The following SHANK2 variants were observed in gnomAD, a reference collection of about 807,000 sequenced individuals.
The protein encoded by SHANK2 is SH3 and multiple ankyrin repeat domains 2.
Under a neutral mutation model 133.7 loss-of-function variants are expected in SHANK2, and 43 were observed. The ratio of observed to expected loss-of-function variants is 0.32; its 90% CI spans 0.25 to 0.41. The LOEUF (loss-of-function observed/expected upper bound fraction) is 0.41, where lower values mean the gene tolerates loss of function less well. Among genes scored for constraint, SHANK2 ranks in the 10% least tolerant of loss-of-function variants. The pLI is 1.00. For missense variants in SHANK2, 1,994 were observed against 2,235.8 expected, an observed-to-expected ratio of 0.89 and a Z score of 2.18; for synonymous variants, 1,017 against 952.8, an observed-to-expected ratio of 1.07 and a Z score of -1.24.
rs181234214 is a variant in SHANK2 at position 70,820,234 on chromosome 11, A to G, written c.1493+130T>C. 553 of 568,486 alleles carry G rather than the reference A, an allele frequency of 9.7e-4. 1 individual carries two copies. Among genetic ancestry groups the G allele is most frequent in the African/African-American group, 9.3e-3 (484 of 51,916 alleles). 35.2% of individuals were successfully genotyped at this position (568,486 alleles called of 1,614,324 possible). A position where few individuals can be genotyped will look rare whatever the true frequency, so the allele number is the denominator to read the frequency against. On this transcript the variant is annotated intron_variant, in intron 12 of 25. Transcript: ENST00000601538. Reference sequence around the variant, plus strand: ...GGACAGTGAGCAAAACTCAGGCATGAAAGTTTCCTCAACATCTGGGTTGGA... The same window carrying G: ...GGACAGTGAGCAAAACTCAGGCATGGAAGTTTCCTCAACATCTGGGTTGGA...
At chr11:71,202,599 G>A (rs573513711) in intron 2 of SHANK2, among the ~76,000 whole-genome samples, 7 of 152,230 alleles carry the variant, frequency 4.6e-5, no homozygotes, top group East Asian at 3.9e-4. Flanking sequence ...AAAAGGGGTC[G>A]ATGTTGGCCA....
intron 17 of SHANK2, among the ~76,000 whole-genome samples, chr11:70,549,493 C>T (rs781791149): frequency 6.6e-6 from 1 of 152,238 alleles, no homozygotes; most frequent in Non-Finnish European, 1.5e-5. Context: ...CTAGGACGGC[C>T]TCATGACATT....
chr11:71,189,613 T>G (rs371125070), intron 2 of SHANK2, among the ~76,000 whole-genome samples: 282 of 152,346 alleles, frequency 1.9e-3, no homozygotes, highest in African/African-American at 6.5e-3. Context: ...TTGCCCAGGC[T>G]GGTCTCAAAC....
Position 70,471,571 on chromosome 11 carries a change from T to C in SHANK2, c.*1298A>G. 2.5e-6 allele frequency: 1 copy of C among 396,496 alleles called. No individual in the cohort carries two copies. 24.6% of individuals were successfully genotyped at this position (396,496 alleles called of 1,614,324 possible). A position where few individuals can be genotyped will look rare whatever the true frequency, so the allele number is the denominator to read the frequency against. On this transcript the variant is annotated 3_prime_UTR_variant, in exon 26 of 26. Coordinates refer to ENST00000601538, the MANE Select transcript of SHANK2 (RefSeq NM_012309.5). This position sits in a 1 kb window ranked among gnomAD's most constrained non-coding sequence, Gnocchi z 4.1. ...CCTCTCCTCACGCCTCTGCTTTCACTCTGATCCTGCCGCCCACCTTCTGTT... is the reference window on the plus strand; with the variant it reads ...CCTCTCCTCACGCCTCTGCTTTCACCCTGATCCTGCCGCCCACCTTCTGTT...
At chr11:70,511,063 G>A (rs2059198955) in intron 17 of SHANK2, among the ~76,000 whole-genome samples, 1 of 151,382 alleles carries the variant, frequency 6.6e-6, no homozygotes, top group Non-Finnish European at 1.5e-5. Context: ...GTGGCTTTGG[G>A]TTTTTGTGCA....
chr11:70,839,133 T>C (rs1555060868), intron 11 of SHANK2, among the ~76,000 whole-genome samples: 1 of 152,226 alleles, frequency 6.6e-6, no homozygotes, highest in African/African-American at 2.4e-5. Context: ...ACATTTATAA[T>C]TATATTTAAT....
At chr11:70,688,446 AAGG>A (rs1307969139) in intron 15 of SHANK2, among the ~76,000 whole-genome samples, 1 of 152,260 alleles carries the variant, frequency 6.6e-6, no homozygotes, top group East Asian at 1.9e-4. Flanking sequence ...AGTACTGGAG[AAGG>A]AGGAGTCCAG....
At chr11:71,084,546 T>A (rs1039921683) in intron 8 of SHANK2, among the ~76,000 whole-genome samples, 2 of 152,186 alleles carry the variant, frequency 1.3e-5, no homozygotes, top group South Asian at 4.1e-4. Flanking sequence ...GACAGGGCTG[T>A]CCATTCTCCA....
rs1953410137 is a variant in SHANK2, at chr11:71,175,397, G to C, written c.-12-28059C>G. 6.6e-6 allele frequency among the ~76,000 whole-genome samples: 1 copy of C among 152,090 alleles called. No individual in the cohort carries two copies. Among genetic ancestry groups the C allele is most frequent in the South Asian group, 2.1e-4 (1 of 4,824 alleles). ...GCTGGGTGGTCCTGTGGACACCGAA[G>C]CAGGAAAGTGAGTCTGTAAAGAGAG... On this transcript the variant is annotated intron_variant, in intron 2 of 25. Coordinates refer to ENST00000601538, the MANE Select transcript of SHANK2 (RefSeq NM_012309.5). The surrounding 1 kb of genome is among the most constrained non-coding windows in gnomAD (Gnocchi z 4.2).
At chr11:71,230,583 A>T (rs1954726463) in intron 1 of SHANK2, among the ~76,000 whole-genome samples, 1 of 151,238 alleles carries the variant, frequency 6.6e-6, no homozygotes, top group Non-Finnish European at 1.5e-5. Context: ...AAAAAAAAAG[A>T]AAGTATATGG....
rs1371840404 is a variant in SHANK2, at chr11:70,879,687, T to A, written c.1174+16814A>T. On this transcript the variant is annotated intron_variant, in intron 11 of 25. Coordinates refer to ENST00000601538, the MANE Select transcript of SHANK2 (RefSeq NM_012309.5). The stretch of plus-strand genomic sequence containing the variant: ...AGTGGCTAGAAATTCAGGGGTTGAA[T>A]CCCTTGCCCCAAAGGCCATGCGGGG... Among the ~76,000 whole-genome samples, 14 of 152,348 alleles carry A rather than the reference T, an allele frequency of 9.2e-5. 1 individual carries two copies. Among genetic ancestry groups the A allele is most frequent in the Admixed American group, 8.5e-4 (13 of 15,306 alleles).
At chr11:70,526,770 C>G (rs1266358049) in intron 17 of SHANK2, among the ~76,000 whole-genome samples, 7 of 151,998 alleles carry the variant, frequency 4.6e-5, no homozygotes, top group African/African-American at 1.7e-4. Context: ...TCCTCCCCCT[C>G]CCCTACTCTC....
chr11:70,611,004 C>T lies in SHANK2; in HGVS notation c.2061+48824G>A, dbSNP rs1160986119. On this transcript the variant is annotated intron_variant, in intron 17 of 25. Coordinates refer to ENST00000601538, the MANE Select transcript of SHANK2 (RefSeq NM_012309.5). Reference sequence around the variant, plus strand: ...TCTTTAAAAACCAGCAAATGATGCACCCTGATCCCTTTGAACGTCCAGAAA... The same window carrying T: ...TCTTTAAAAACCAGCAAATGATGCATCCTGATCCCTTTGAACGTCCAGAAA... Among the ~76,000 whole-genome samples, 3 of 152,248 alleles carry T rather than the reference C, an allele frequency of 2.0e-5. No individual in the cohort carries two copies. In the East Asian group the frequency reaches 5.8e-4, roughly 29 times the overall value.
Position 70,500,855 on chromosome 11 carries a change from T to G in SHANK2, c.2288-265A>C. On this transcript the variant is annotated intron_variant, in intron 20 of 25. Transcript: ENST00000601538. This position sits in a 1 kb window ranked among gnomAD's most constrained non-coding sequence, Gnocchi z 4.5. ...TGGCAGTGGAAAGGGGCTTTCCTTC[T>G]TCCTCAGCACCCCTTGTCCCACCAG... 2.9e-6 allele frequency: 2 copies of G among 695,562 alleles called. No individual in the cohort carries two copies. Among genetic ancestry groups the G allele is most frequent in the Non-Finnish European group, 2.7e-6 (1 of 375,638 alleles). The allele number at this position is 695,562 out of a possible 1,614,324, so 43.1% of individuals were successfully genotyped here.
intron 17 of SHANK2, among the ~76,000 whole-genome samples, chr11:70,561,344 G>T (rs1482868801): frequency 1.3e-5 from 2 of 151,952 alleles, no homozygotes; most frequent in African/African-American, 4.8e-5. Context: ...GTAGAGACAA[G>T]GTTTTGCCAT....
intron 10 of SHANK2, among the ~76,000 whole-genome samples, chr11:70,899,303 G>A (rs1174101194): frequency 6.6e-6 from 1 of 152,176 alleles, no homozygotes; most frequent in African/African-American, 2.4e-5. Flanking sequence ...ATAAGTGTCT[G>A]GCATTTCCCC....
chr11:70,952,266 G>A (rs1364705491), intron 10 of SHANK2, among the ~76,000 whole-genome samples: 1 of 152,212 alleles, frequency 6.6e-6, no homozygotes, highest in Non-Finnish European at 1.5e-5. Context: ...TTGTGCCTCA[G>A]TAAATGCAGA....
chr11:70,702,211 T>A (rs542683750), intron 14 of SHANK2, among the ~76,000 whole-genome samples: 3 of 148,364 alleles, frequency 2.0e-5, no homozygotes, highest in Admixed American at 2.0e-4. Context: ...ATCACCACTA[T>A]CATCATCATC....
At chr11:71,210,250 A>ATATATATTTATT (rs1353494730) in intron 2 of SHANK2, among the ~76,000 whole-genome samples, 8 of 85,488 alleles carry the variant, frequency 9.4e-5, no homozygotes, top group East Asian at 3.8e-4. Context: ...ATATATATAT[A>ATATATATTTATT]TATTTATTTA....
Sources: allele counts gnomAD v4.1 joint callset (sites outside exome capture counted in the v4.1 genomes callset), GRCh38; gene constraint gnomAD v4.1.1; non-coding constraint Gnocchi (gnomAD v3.1); transcripts MANE v1.5; gene names NCBI Gene and HGNC (gene_info 2026-07-23, HGNC 2026-07-21).